MTHFD1L: variants seen among roughly 807,000 people sequenced by gnomAD.
MTHFD1L encodes the protein monofunctional C1-tetrahydrofolate synthase, mitochondrial.
Under a neutral mutation model 119.5 loss-of-function variants are expected in MTHFD1L, and 81 were observed. That is an observed-to-expected ratio of 0.68 (90% CI 0.57 to 0.82). The LOEUF is 0.82. Among genes scored for constraint, MTHFD1L ranks in the 40% least tolerant of loss-of-function variants. The pLI is 0.00. For synonymous variants in MTHFD1L, 430 were observed against 475.2 expected (o/e 0.90, Z 1.24); for missense variants, 1,125 against 1,253.4 (o/e 0.90, Z 1.55).
At chr6:151,088,924 A>G (rs1394112079) in intron 26 of MTHFD1L, among the ~76,000 whole-genome samples, 1 of 152,226 alleles carries the variant, frequency 6.6e-6, no homozygotes, top group Non-Finnish European at 1.5e-5. Flanking sequence ...GTTTGTAAAG[A>G]TAGTGCGTGT....
chr6:150,965,630 C>T (rs868269328), intron 19 of MTHFD1L, among the ~76,000 whole-genome samples: 3 of 149,862 alleles, frequency 2.0e-5, no homozygotes, highest in South Asian at 2.1e-4. Context: ...CACCGCACTC[C>T]AGCCTGGGCG....
intron 7 of MTHFD1L, among the ~76,000 whole-genome samples, chr6:150,888,853 C>A (rs966723262): frequency 3.3e-5 from 5 of 152,120 alleles, no homozygotes; most frequent in Non-Finnish European, 7.3e-5. Flanking sequence ...AGCTTGAGAG[C>A]AGGTACCACA....
intron 20 of MTHFD1L, among the ~76,000 whole-genome samples, chr6:150,979,860 C>G (rs187132718): frequency 4.3e-4 from 65 of 152,170 alleles, no homozygotes; most frequent in Admixed American, 6.5e-4. Context: ...GTGGCTATAC[C>G]CAGCTAGTGG....
intron 13 of MTHFD1L, among the ~76,000 whole-genome samples, chr6:150,943,197 C>T (rs1367103674): frequency 6.6e-6 from 1 of 152,050 alleles, no homozygotes; most frequent in East Asian, 1.9e-4. Context: ...ATCCCTTGAA[C>T]CTGGGAGGCG....
chr6:151,058,749 G>C (rs1584358304), intron 26 of MTHFD1L, among the ~76,000 whole-genome samples: 2 of 152,214 alleles, frequency 1.3e-5, no homozygotes, highest in East Asian at 3.9e-4. Flanking sequence ...AGGGACCCCT[G>C]TGGTATGGAC....
chr6:150,944,634 C>T (rs563185128), intron 14 of MTHFD1L, 41 bp downstream of exon 14: 62 of 1,405,512 alleles, frequency 4.4e-5, no homozygotes, highest in Non-Finnish European at 5.9e-5. Flanking sequence ...GTATTGTATC[C>T]TGGAATTCCT....
intron 20 of MTHFD1L, among the ~76,000 whole-genome samples, chr6:150,976,672 GA>G (rs758720012): frequency 7.2e-5 from 11 of 152,182 alleles, no homozygotes; most frequent in Non-Finnish European, 1.2e-4. Context: ...CCTGCATTAA[GA>G]AGTAAACTGT....
At chr6:150,976,630 T>C (rs900023716) in intron 20 of MTHFD1L, among the ~76,000 whole-genome samples, 1 of 152,144 alleles carries the variant, frequency 6.6e-6, no homozygotes, top group African/African-American at 2.4e-5. Flanking sequence ...TATGAAAAGC[T>C]CAAACCATAG....
At position 150,866,246 on chromosome 6, in the gene MTHFD1L, G is replaced by A. The variant is rs539915168; in HGVS notation, c.227+197G>A. ...CCGGGAGCGCTGGCGGAGAACGGGG[G>A]ATCCAGTACCCGACCGGGCCCGCAG... On this transcript the variant is annotated intron_variant, in intron 1 of 27. Coordinates refer to ENST00000367321, the MANE Select transcript of MTHFD1L (RefSeq NM_015440.5). The A allele has an allele frequency of 2.3e-5, 33 of 1,414,352 alleles. No homozygotes were observed. In the East Asian group the frequency reaches 6.6e-4, roughly 28 times the overall value. 87.6% of individuals were successfully genotyped at this position (1,414,352 alleles called of 1,614,324 possible).
At chr6:150,979,999 G>A (rs561722140) in intron 20 of MTHFD1L, among the ~76,000 whole-genome samples, 10 of 151,222 alleles carry the variant, frequency 6.6e-5, no homozygotes, top group Admixed American at 1.3e-4. Context: ...AAAATCTGAC[G>A]TCAAGTGATC....
intron 20 of MTHFD1L, among the ~76,000 whole-genome samples, chr6:151,004,732 C>G (rs886166917): frequency 7.2e-5 from 11 of 152,214 alleles, no homozygotes; most frequent in African/African-American, 2.7e-4. Flanking sequence ...AAGTTTGAAT[C>G]AAACCATGCT....
At chr6:150,994,086 A>AAAG (rs1779465822) in intron 20 of MTHFD1L, among the ~76,000 whole-genome samples, 1 of 145,762 alleles carries the variant, frequency 6.9e-6, no homozygotes, top group African/African-American at 2.8e-5. Context: ...AAAAAGAAAG[A>AAAG]AAGAAAGAAA....
At chr6:150,979,657 T>C (rs1777151541) in intron 20 of MTHFD1L, among the ~76,000 whole-genome samples, 1 of 152,044 alleles carries the variant, frequency 6.6e-6, no homozygotes, top group Non-Finnish European at 1.5e-5. Flanking sequence ...CGCACCACCA[T>C]GCCCGGCTAG....
intron 26 of MTHFD1L, among the ~76,000 whole-genome samples, chr6:151,045,339 C>A (rs1224805877): frequency 2.0e-5 from 3 of 152,190 alleles, no homozygotes; most frequent in Non-Finnish European, 2.9e-5. Flanking sequence ...GCCACTCCCC[C>A]CAGCAGGTCC....
At chr6:150,901,657 C>A (rs1785121743) in intron 7 of MTHFD1L, among the ~76,000 whole-genome samples, 1 of 152,168 alleles carries the variant, frequency 6.6e-6, no homozygotes, top group Non-Finnish European at 1.5e-5. Flanking sequence ...CCCTCCCTGC[C>A]CTCCAGACCC....
chr6:150,975,787 C>A (rs1167514174), intron 20 of MTHFD1L, among the ~76,000 whole-genome samples: 1 of 152,134 alleles, frequency 6.6e-6, no homozygotes, highest in Non-Finnish European at 1.5e-5. Context: ...CAGCAGACGT[C>A]CTCACACTTT....
intron 20 of MTHFD1L, among the ~76,000 whole-genome samples, chr6:150,981,841 T>C (rs1262096628): frequency 1.3e-5 from 2 of 152,182 alleles, no homozygotes; most frequent in African/African-American, 2.4e-5. Flanking sequence ...ATTCCACTGC[T>C]TTTGGAGGCC....
chr6:150,953,653 T>C (rs1271153442), intron 16 of MTHFD1L, among the ~76,000 whole-genome samples: 1 of 152,188 alleles, frequency 6.6e-6, no homozygotes, highest in Non-Finnish European at 1.5e-5. Context: ...ATGCATCACT[T>C]ACCGGGCCAT....
At chr6:150,896,509 C>T (rs1381717414) in intron 7 of MTHFD1L, among the ~76,000 whole-genome samples, 1 of 152,186 alleles carries the variant, frequency 6.6e-6, no homozygotes, top group Non-Finnish European at 1.5e-5. Flanking sequence ...CTGGGCATCA[C>T]AGCCTTGTAC....
Sources: allele counts gnomAD v4.1 joint callset (sites outside exome capture counted in the v4.1 genomes callset), GRCh38; gene constraint gnomAD v4.1.1; transcripts MANE v1.5; gene names NCBI Gene and HGNC (gene_info 2026-07-23, HGNC 2026-07-21).